TMC5: variants seen among roughly 807,000 people sequenced by gnomAD.
TMC5 encodes transmembrane channel-like protein 5.
In TMC5, 86 loss-of-function variants were observed where a neutral mutation model predicts 110.5. That is an observed-to-expected ratio of 0.78 (90% CI 0.65 to 0.93). The LOEUF is 0.93. TMC5 is among the 40% of genes least tolerant of loss of function. TMC5 has a pLI of 0.00. For missense variants in TMC5, 1,144 were observed against 1,222.8 expected, an observed-to-expected ratio of 0.94 and a Z score of 0.96; for synonymous variants, 455 against 439.5, an observed-to-expected ratio of 1.04 and a Z score of -0.44.
chr16:19,457,091 T>C, intron 5 of TMC5: 1 of 1,331,660 alleles, frequency 7.5e-7, no homozygotes, highest in Non-Finnish European at 1.0e-6. Context: ...ATATTTTACT[T>C]TTTAGATATC....
chr16:19,465,215 C>G (rs1030234464), intron 8 of TMC5, among the ~76,000 whole-genome samples: 1 of 151,586 alleles, frequency 6.6e-6, no homozygotes, highest in Non-Finnish European at 1.5e-5. Context: ...ATTCTGTGTC[C>G]GCCCCCGCCT....
intron 3 of TMC5, among the ~76,000 whole-genome samples, chr16:19,442,888 C>T (rs147731129): frequency 7.8e-4 from 119 of 152,302 alleles, no homozygotes; most frequent in Non-Finnish European, 1.5e-3. Flanking sequence ...GGTCTTATCA[C>T]CCACTGCCTG....
chr16:19,474,115 T>A lies in TMC5; in HGVS notation c.1939-10T>A, dbSNP rs928624992. The A allele has an allele frequency of 6.2e-7, 1 of 1,612,638 alleles. No homozygotes were observed. Among genetic ancestry groups the A allele is most frequent in the Non-Finnish European group, 8.5e-7 (1 of 1,179,612 alleles). ...AGTCAGCCCTCCGTTCTCTCCCCCA[T>A]CCCCTGCAGTTCCTGAAGACACACA... On this transcript the variant is annotated splice_polypyrimidine_tract_variant and intron_variant, in intron 11 of 21. Transcript: ENST00000542583.
At chr16:19,496,660 A>G (rs1347885462) in intron 20 of TMC5, among the ~76,000 whole-genome samples, 1 of 152,040 alleles carries the variant, frequency 6.6e-6, no homozygotes, top group Non-Finnish European at 1.5e-5. Flanking sequence ...CGAGGTGGAC[A>G]GATCACTTGA....
At chr16:19,461,546 C>A (rs770845875) in intron 6 of TMC5, among the ~76,000 whole-genome samples, 1 of 151,902 alleles carries the variant, frequency 6.6e-6, no homozygotes, top group Non-Finnish European at 1.5e-5. Flanking sequence ...TGCACTCCAG[C>A]CTGGGTGACA....
intron 5 of TMC5, among the ~76,000 whole-genome samples, chr16:19,450,353 A>T (rs1967720713): frequency 6.6e-6 from 1 of 152,192 alleles, no homozygotes; most frequent in Non-Finnish European, 1.5e-5. Flanking sequence ...CCTGGCACGT[A>T]GTAGGTATTT....
chr16:19,483,814 G>C (rs533530999), intron 15 of TMC5, among the ~76,000 whole-genome samples: 2 of 150,704 alleles, frequency 1.3e-5, no homozygotes, highest in African/African-American at 4.9e-5. Flanking sequence ...GGCCAGGCAC[G>C]GTGGCTCACG....
At chr16:19,492,942 A>AT (rs57619005) in intron 19 of TMC5, among the ~76,000 whole-genome samples, 37,881 of 100,106 alleles carry the variant, frequency 0.38, 12,105 homozygotes, top group Non-Finnish European at 0.54. Context: ...ATCTCTCTAT[A>AT]AGATAAATAC....
At chr16:19,456,338 A>T (rs1376323054) in intron 5 of TMC5, 3 of 360,606 alleles carry the variant, frequency 8.3e-6, no homozygotes, top group Non-Finnish European at 1.2e-5. Context: ...TTATAAAAAA[A>T]AATCTTGCCC....
rs1342682363 is a variant in TMC5 at position 19,498,569 on chromosome 16, G to A, written c.*603G>A. The stretch of plus-strand genomic sequence containing the variant: ...CGGGGATGGAGGAGGTTCTGCCCCT[G>A]TGAGGTGTTATACATGACCATCAAA... On this transcript the variant is annotated 3_prime_UTR_variant, in exon 22 of 22. Coordinates refer to ENST00000542583, the MANE Select transcript of TMC5 (RefSeq NM_001261841.2). 1 of 151,150 alleles carries A rather than the reference G, an allele frequency of 6.6e-6. No homozygotes were observed. Among genetic ancestry groups the A allele is most frequent in the African/African-American group, 2.5e-5 (1 of 40,100 alleles). 9.4% of individuals were successfully genotyped at this position (151,150 alleles called of 1,614,324 possible).
In TMC5 at chr16:19,479,510, T is replaced by C; in HGVS notation, c.2249T>C (p.Leu750Pro). Residue 750 changes from leucine (L) to proline (P), a missense_variant, in exon 14 of 22, where the codon CTG becomes CCG. Transcript: ENST00000542583. Reference protein sequence around the residue: ...DFVFSLVNSFLGEFLRRIIGM... With the variant: ...DFVFSLVNSFPGEFLRRIIGM... Reference sequence around the variant, plus strand: ...GTGTTCTCTTTAGTCAATTCCTTCCTGGGGGAGTTTCTGAGGAGGTAAATA... The same window carrying C: ...GTGTTCTCTTTAGTCAATTCCTTCCCGGGGGAGTTTCTGAGGAGGTAAATA... 6.2e-7 allele frequency: 1 copy of C among 1,613,578 alleles called. No homozygotes were observed. Among genetic ancestry groups the C allele is most frequent in the Non-Finnish European group, 8.5e-7 (1 of 1,179,540 alleles).
In TMC5 at chr16:19,440,530, T is replaced by C; in HGVS notation, c.492T>C (p.Pro164=). 6 of 1,614,208 alleles carry C rather than the reference T, an allele frequency of 3.7e-6. No individual in the cohort carries two copies. Among genetic ancestry groups the C allele is most frequent in the Non-Finnish European group, 5.1e-6 (6 of 1,180,032 alleles). The change falls in exon 3 of 22, where the codon CCT becomes CCC. Residue 164 remains proline (P), a synonymous_variant. Transcript: ENST00000542583. The part of the protein sequence containing the change: ...DHFGSLEPDY[P]GAQSNSDHPG... The stretch of plus-strand genomic sequence containing the variant: ...TTGGCTCCTTAGAACCGGACTACCC[T>C]GGAGCTCAGAGCAACTCTGATCATC...
At chr16:19,497,829 C>A in intron 21 of TMC5, 91 bp from the exon 22 acceptor site, 1 of 1,144,782 alleles carries the variant, frequency 8.7e-7, no homozygotes, top group Non-Finnish European at 1.3e-6. Context: ...GCATGAGAAG[C>A]TATGGAATCT....
chr16:19,440,919 G>T, intron 3 of TMC5, 93 bp downstream of exon 3: 2 of 1,296,194 alleles, frequency 1.5e-6, no homozygotes, highest in Non-Finnish European at 2.1e-6. Flanking sequence ...TTAGATTAGG[G>T]ATATATATGA....
At position 19,466,264 on chromosome 16, in the gene TMC5, A is replaced by AG. The variant is rs779341363; in HGVS notation, c.1637+34dup. On this transcript the variant is annotated intron_variant, in intron 9 of 21. Transcript: ENST00000542583. The stretch of plus-strand genomic sequence containing the variant: ...GAAGCATCTACATTTCCTGATTCTG[A>AG]GGGTCATGTTAGATTTCAGCAAAAA... 5 of 1,609,986 alleles carry AG rather than the reference A, an allele frequency of 3.1e-6. No individual in the cohort carries two copies. The South Asian group carries it at 5.5e-5, about 18-fold the overall frequency.
At position 19,472,107 on chromosome 16, in the gene TMC5, G is replaced by A. The variant is rs141710338; in HGVS notation, c.1802G>A (p.Arg601His). 7.5e-5 allele frequency: 121 copies of A among 1,614,082 alleles called. 1 individual carries two copies. The East Asian group carries it at 2.1e-3, about 28-fold the overall frequency. Reference protein sequence around the residue: ...TEIRENLSELRQENSKLTFNQ... With the variant: ...TEIRENLSELHQENSKLTFNQ... ...TTCTAGGAGAACCTGTCAGAGCTCC[G>A]TCAGGAGAATTCCAAGTTGACGTTC... The change falls in exon 11 of 22, where the codon CGT becomes CAT. Residue 601 changes from arginine (R) to histidine (H), a missense_variant. Coordinates refer to ENST00000542583, the MANE Select transcript of TMC5 (RefSeq NM_001261841.2).
At chr16:19,489,014 TG>T (rs1968818594) in intron 17 of TMC5, among the ~76,000 whole-genome samples, 1 of 147,198 alleles carries the variant, frequency 6.8e-6, no homozygotes, top group African/African-American at 2.7e-5. Context: ...TTGCTCCTCT[TG>T]GCATATCCAC....
In TMC5 at chr16:19,477,476, T is replaced by A. The variant is rs1272455478; in HGVS notation, c.2127T>A (p.Leu709=). Residue 709 remains leucine (L), a synonymous_variant, in exon 13 of 22, where the codon CTT becomes CTA. Transcript: ENST00000542583. ...TGAAAATATCAATCATTGGCATTCT[T>A]TGTTACTATTGGCTCAACACCGTGG... ...IFLKISIIGI[L]CYYWLNTVAL... 6.2e-7 allele frequency: 1 copy of A among 1,613,196 alleles called. No homozygotes were observed. Among genetic ancestry groups the A allele is most frequent in the South Asian group, 1.1e-5 (1 of 90,908 alleles).
At chr16:19,490,806 CCTCT>C (rs150382255) in intron 18 of TMC5, among the ~76,000 whole-genome samples, 3,031 of 143,596 alleles carry the variant, frequency 0.021, 48 homozygotes, top group Non-Finnish European at 0.031. Context: ...CCCCTCCCTC[CCTCT>C]CTTTCTCCCT....
Sources: allele counts gnomAD v4.1 joint callset (sites outside exome capture counted in the v4.1 genomes callset), GRCh38; gene constraint gnomAD v4.1.1; transcripts MANE v1.5; gene names NCBI Gene and HGNC (gene_info 2026-07-23, HGNC 2026-07-21).